USP36: variants seen among roughly 807,000 people sequenced by gnomAD.
USP36 encodes ubiquitin carboxyl-terminal hydrolase 36.
A neutral mutation model predicts 111.5 loss-of-function variants in USP36; 59 were observed. The observed-to-expected ratio is 0.53, with a 90% CI of 0.43 to 0.66. The LOEUF is 0.66. Among genes scored for constraint, USP36 ranks in the 30% least tolerant of loss-of-function variants. The probability of loss-of-function intolerance (pLI) is 0.00; values close to 1 mark genes in which losing one functional copy is unlikely to be tolerated. For synonymous variants in USP36, 628 were observed against 581.0 expected (o/e 1.08, Z -1.16); for missense variants, 1,488 against 1,468.0 (o/e 1.01, Z -0.22).
At chr17:78,792,804 C>T (rs528513550), downstream of USP36, among the ~76,000 whole-genome samples, 1 of 152,214 alleles carries the variant, frequency 6.6e-6, no homozygotes, top group East Asian at 1.9e-4. Flanking sequence ...CTGCAACCTC[C>T]ACCTCCCAGG....
intron 3 of USP36, among the ~76,000 whole-genome samples, chr17:78,790,435 C>T (rs2093573926): frequency 6.6e-6 from 1 of 152,106 alleles, no homozygotes; most frequent in African/African-American, 2.4e-5. Flanking sequence ...GGACTACAGG[C>T]GTGTGCCACG....
In USP36 at chr17:78,819,998, A is replaced by G; in HGVS notation, c.843T>C (p.Ile281=). 6.2e-7 allele frequency: 1 copy of G among 1,614,166 alleles called. No homozygotes were observed. ...VALEIRQAAN[I]VRALELFVKA... The stretch of plus-strand genomic sequence containing the variant: ...TCACAAAAAGTTCCAGAGCACGCAC[A>G]ATATTCGCAGCTTGCTGAGGAGGAC... Residue 281 remains isoleucine, a synonymous_variant, in exon 9 of 21, where the codon ATT becomes ATC. Transcript: ENST00000449938.
intron 5 of USP36, among the ~76,000 whole-genome samples, chr17:78,828,566 T>C (rs780636071): frequency 3.3e-5 from 5 of 152,170 alleles, no homozygotes; most frequent in Non-Finnish European, 7.3e-5. Flanking sequence ...CACATGTCTC[T>C]AAACTGCTAT....
At chr17:78,813,265 GC>G in intron 12 of USP36, among the ~76,000 whole-genome samples, 1 of 103,876 alleles carries the variant, frequency 9.6e-6, no homozygotes, top group Middle Eastern at 4.2e-3. Context: ...GCACCAGAAA[GC>G]AAGAACCTCA....
At chr17:78,825,853 C>A (rs2067491172) in intron 6 of USP36, among the ~76,000 whole-genome samples, 1 of 152,204 alleles carries the variant, frequency 6.6e-6, no homozygotes, top group South Asian at 2.1e-4. Flanking sequence ...CACCTACTTG[C>A]CTTTGCAGGC....
chr17:78,810,086 T>C (rs1280626813), intron 13 of USP36, among the ~76,000 whole-genome samples: 2 of 152,100 alleles, frequency 1.3e-5, no homozygotes, highest in Non-Finnish European at 2.9e-5. Context: ...CCTCAAATGG[T>C]CCACCCACCT....
chr17:78,819,509 T>G (rs537530802), intron 9 of USP36, among the ~76,000 whole-genome samples: 1 of 152,326 alleles, frequency 6.6e-6, no homozygotes, highest in South Asian at 2.1e-4. Context: ...AAACACTCCT[T>G]AAGAGGCAAG....
chr17:78,808,560 G>A (rs768578264), intron 13 of USP36, among the ~76,000 whole-genome samples: 25 of 152,162 alleles, frequency 1.6e-4, no homozygotes, highest in Non-Finnish European at 3.2e-4. Flanking sequence ...CTGTCGGCCT[G>A]TCTTTGACAT....
rs374235197 is a variant in USP36, at chr17:78,802,419, T to C, written c.2927A>G (p.Lys976Arg). The change falls in exon 17 of 21, where the codon AAA becomes AGA. Residue 976 changes from lysine (K) to arginine (R), a missense_variant. Coordinates refer to ENST00000449938, the MANE Select transcript of USP36 (RefSeq NM_001385174.1). ...TTGGGGCTTGGCACTCCTTGGGCAT[T>C]TGAGATGCCCATCCTCTTCTACTGC... Reference protein sequence around the residue: ...QRAVEEDGHLKCPRSAKPQDA... With the variant: ...QRAVEEDGHLRCPRSAKPQDA... 508 of 1,612,722 alleles carry C rather than the reference T, an allele frequency of 3.1e-4. No homozygotes were observed. Among genetic ancestry groups the C allele is most frequent in the Non-Finnish European group, 4.0e-4 (475 of 1,179,726 alleles).
downstream of USP36, among the ~76,000 whole-genome samples, chr17:78,793,514 C>T (rs376188152): frequency 2.0e-5 from 3 of 152,108 alleles, no homozygotes; most frequent in Non-Finnish European, 4.4e-5. Context: ...GGGATCTGCA[C>T]GAAGCAGCAG....
At chr17:78,787,622 A>G (rs953306526) in exon 4 of USP36, 2 of 152,226 alleles carry the variant, frequency 1.3e-5, no homozygotes, top group African/African-American at 4.8e-5. Context: ...CAAGCTCTGG[A>G]GGCTTCCACT....
Position 78,798,998 on chromosome 17 carries a change from C to T in USP36, c.3150G>A (p.Ser1050=), listed in dbSNP as rs756056988. Residue 1050 remains serine (S), a synonymous_variant, in exon 19 of 21, where the codon TCG becomes TCA. Coordinates refer to ENST00000449938, the MANE Select transcript of USP36 (RefSeq NM_001385174.1). The surrounding 1 kb of genome is among the most constrained non-coding windows in gnomAD (Gnocchi z 5.1). ...RKVLTWDGKM[S]AVSQDAIEDS... is the part of the protein sequence containing the mutation. ...CTTCAATAGCATCCTGACTGACCGC[C>T]GACATCTTGCCATCCCAGGTCAGAA... 22 of 1,614,000 alleles carry T rather than the reference C, an allele frequency of 1.4e-5. No individual in the cohort carries two copies. The highest frequency in any genetic ancestry group is 4.4e-5 in the South Asian group (4 of 91,094).
At chr17:78,788,311 T>C (rs1286300234) in intron 3 of USP36, among the ~76,000 whole-genome samples, 1 of 151,928 alleles carries the variant, frequency 6.6e-6, no homozygotes, top group African/African-American at 2.4e-5. Context: ...ACTACAGGTA[T>C]GCGCCACCAC....
At chr17:78,820,908 T>C in intron 8 of USP36, 83 bp downstream of exon 8, 3 of 1,415,322 alleles carry the variant, frequency 2.1e-6, no homozygotes, top group Non-Finnish European at 2.9e-6. Context: ...TTTGATCTGA[T>C]GCCTTTACTG....
chr17:78,823,023 A>T (rs537467049), intron 6 of USP36: 1 of 398,096 alleles, frequency 2.5e-6, no homozygotes, highest in African/African-American at 2.1e-5. Context: ...TCCCACGGCC[A>T]CCCAGACCAT....
chr17:78,820,128 C>A, intron 8 of USP36, 116 bp from the exon 9 acceptor site: 1 of 1,092,632 alleles, frequency 9.2e-7, no homozygotes, highest in South Asian at 1.5e-5. Context: ...AACTTAGACT[C>A]GCATAAAAAT....
At position 78,806,093 on chromosome 17, in the gene USP36, C is replaced by T. The variant is rs962705767; in HGVS notation, c.2216+63G>A. 4.4e-6 allele frequency: 7 copies of T among 1,607,012 alleles called. No homozygotes were observed. In the African/African-American group the frequency reaches 8.1e-5, roughly 18 times the overall value. On this transcript the variant is annotated intron_variant, in intron 15 of 20. Coordinates refer to ENST00000449938, the MANE Select transcript of USP36 (RefSeq NM_001385174.1). Reference sequence around the variant, plus strand: ...GGCGATTCGTCCAACTCCTCACCAGCCAAGCACACGCAACCACAGGGAGAA... The same window carrying T: ...GGCGATTCGTCCAACTCCTCACCAGTCAAGCACACGCAACCACAGGGAGAA...
At position 78,806,956 on chromosome 17, in the gene USP36, C is replaced by G; in HGVS notation, c.2085+3G>C. The G allele has an allele frequency of 6.2e-7, 1 of 1,613,680 alleles. No homozygotes were observed. Among genetic ancestry groups the G allele is most frequent in the Non-Finnish European group, 8.5e-7 (1 of 1,179,622 alleles). On this transcript the variant is annotated splice_donor_region_variant and intron_variant, in intron 14 of 20. Coordinates refer to ENST00000449938, the MANE Select transcript of USP36 (RefSeq NM_001385174.1). Reference sequence around the variant, plus strand: ...AGCAGCGGCGAGACCCCCACACACCCACCTTCTTGGCAGAAAGGGCCAGTT... The same window carrying G: ...AGCAGCGGCGAGACCCCCACACACCGACCTTCTTGGCAGAAAGGGCCAGTT...
chr17:78,841,329 C>A (rs1275976012), upstream of USP36: 2 of 152,364 alleles, frequency 1.3e-5, no homozygotes, highest in African/African-American at 4.8e-5. Context: ...GTCCCGGGCT[C>A]TGGGGCCATC....
Sources: allele counts gnomAD v4.1 joint callset (sites outside exome capture counted in the v4.1 genomes callset), GRCh38; gene constraint gnomAD v4.1.1; non-coding constraint Gnocchi (gnomAD v3.1); transcripts MANE v1.5; gene names NCBI Gene and HGNC (gene_info 2026-07-23, HGNC 2026-07-21).